ETS1: variants seen among roughly 807,000 people sequenced by gnomAD.
The protein encoded by ETS1 is ETS proto-oncogene 1, transcription factor, also known as protein C-ets-1.
A neutral mutation model predicts 58.6 loss-of-function variants in ETS1; 15 were observed. That is an observed-to-expected ratio of 0.26 (90% CI 0.17 to 0.39). The LOEUF (loss-of-function observed/expected upper bound fraction) is 0.39. ETS1 is among the 10% of genes least tolerant of loss of function. ETS1 has a pLI of 1.00. For synonymous variants in ETS1, 214 were observed against 218.2 expected (o/e 0.98, Z 0.17); for missense variants, 417 against 610.5 (o/e 0.68, Z 3.34).
intron 8 of ETS1, among the ~76,000 whole-genome samples, chr11:128,473,888 C>T (rs370029023): frequency 4.6e-5 from 7 of 152,300 alleles, no homozygotes; most frequent in African/African-American, 1.7e-4. Flanking sequence ...TGGGGAGTTT[C>T]CGAGGCCTGT....
chr11:128,514,340 G>T (rs2135505756), intron 3 of ETS1, among the ~76,000 whole-genome samples: 1 of 152,206 alleles, frequency 6.6e-6, no homozygotes, highest in South Asian at 2.1e-4. Flanking sequence ...TCATCCTGAG[G>T]TTCAAAACGC....
In ETS1 at chr11:128,490,575, A is replaced by G. The variant is rs781522364; in HGVS notation, c.216T>C (p.Asp72=). ...VPTGLEHCVS[D]MECADVPLLT... ...ATAGTGGGACATCTGCACATTCCAT[A>G]TCTGCATGAAAAAATTGCATATGAA... Residue 72 remains aspartate, a splice_region_variant and synonymous_variant, in exon 4 of 10, where the codon GAT becomes GAC. Coordinates refer to ENST00000392668, the MANE Select transcript of ETS1 (RefSeq NM_001143820.2). 1 of 1,610,244 alleles carries G rather than the reference A, an allele frequency of 6.2e-7. No homozygotes were observed. Among genetic ancestry groups the G allele is most frequent in the Non-Finnish European group, 8.5e-7 (1 of 1,177,012 alleles).
At chr11:128,468,199 T>A (rs1368731742) in intron 8 of ETS1, among the ~76,000 whole-genome samples, 5 of 152,134 alleles carry the variant, frequency 3.3e-5, no homozygotes, top group African/African-American at 1.2e-4. Flanking sequence ...AAGGCAACAA[T>A]CTCACTTTTT....
chr11:128,464,623 G>C lies in ETS1; in HGVS notation c.1124-996C>G, dbSNP rs1427421327. ...AACAAACTGGGCAGAGCGGGACTGG[G>C]AAAGACCCAGTCCATGTCTCTGGAT... On this transcript the variant is annotated intron_variant, in intron 8 of 9. Transcript: ENST00000392668. The surrounding 1 kb of genome is among the most constrained non-coding windows in gnomAD (Gnocchi z 4.1). Among the ~76,000 whole-genome samples, 3 of 152,068 alleles carry C rather than the reference G, an allele frequency of 2.0e-5. No homozygotes were observed. The highest frequency in any genetic ancestry group is 2.9e-5 in the Non-Finnish European group (2 of 68,014).
chr11:128,572,316 T>C (rs1006253949), intron 2 of ETS1: 1 of 151,298 alleles, frequency 6.6e-6, no homozygotes, highest in African/African-American at 2.4e-5. Context: ...CGTATTTCAC[T>C]GTAAGAAAAA....
At chr11:128,480,098 G>A (rs1034217422) in intron 8 of ETS1, 93 bp downstream of exon 8, 71 of 1,518,818 alleles carry the variant, frequency 4.7e-5, no homozygotes, top group Middle Eastern at 4.7e-4. Context: ...GGAGTCTCTC[G>A]TCGTCTCTGG....
chr11:128,492,626 G>T (rs1862832189), intron 3 of ETS1, among the ~76,000 whole-genome samples: 1 of 151,808 alleles, frequency 6.6e-6, no homozygotes, highest in Non-Finnish European at 1.5e-5. Context: ...GTAATTGGGG[G>T]AGGGGATAGA....
intron 3 of ETS1, among the ~76,000 whole-genome samples, chr11:128,555,536 T>C (rs1370120871): frequency 1.3e-5 from 2 of 152,224 alleles, no homozygotes; most frequent in African/African-American, 4.8e-5. Context: ...TAACATGGTC[T>C]CATGTGAAAG....
intron 2 of ETS1, among the ~76,000 whole-genome samples, chr11:128,560,679 A>G (rs1053140351): frequency 1.3e-5 from 2 of 152,268 alleles, no homozygotes; most frequent in Admixed American, 1.3e-4. Flanking sequence ...TTAATGAATT[A>G]TGGCAATGTG....
intron 3 of ETS1, among the ~76,000 whole-genome samples, chr11:128,546,908 C>G (rs1864141290): frequency 6.6e-6 from 1 of 152,206 alleles, no homozygotes; most frequent in African/African-American, 2.4e-5. Flanking sequence ...TGCTTTGACA[C>G]AGACTGAAGC....
chr11:128,511,475 C>T (rs1863391301), intron 3 of ETS1, among the ~76,000 whole-genome samples: 1 of 152,196 alleles, frequency 6.6e-6, no homozygotes. Context: ...TGGCATCAGG[C>T]ATATCTGCAC....
intron 3 of ETS1, among the ~76,000 whole-genome samples, chr11:128,529,276 A>G (rs1863856169): frequency 6.6e-6 from 1 of 152,210 alleles, no homozygotes; most frequent in African/African-American, 2.4e-5. Flanking sequence ...TGTATTTTGA[A>G]ATATATCTTC....
At chr11:128,520,229 T>C (rs1177655196) in intron 3 of ETS1, among the ~76,000 whole-genome samples, 1 of 152,242 alleles carries the variant, frequency 6.6e-6, no homozygotes. Context: ...TTGTCTCTAA[T>C]ATTTAATATT....
intron 2 of ETS1, among the ~76,000 whole-genome samples, chr11:128,560,542 G>A (rs1864389337): frequency 6.6e-6 from 1 of 152,182 alleles, no homozygotes; most frequent in Non-Finnish European, 1.5e-5. Flanking sequence ...TAAAACAATG[G>A]AGACAGAATT....
intron 3 of ETS1, among the ~76,000 whole-genome samples, chr11:128,555,117 T>C (rs144847698): frequency 1.3e-5 from 2 of 152,238 alleles, no homozygotes; most frequent in Non-Finnish European, 2.9e-5. Flanking sequence ...CAAGGGAACA[T>C]GGGACACAGG....
chr11:128,506,273 T>A (rs1565386697), intron 3 of ETS1, among the ~76,000 whole-genome samples: 1 of 151,868 alleles, frequency 6.6e-6, no homozygotes, highest in Non-Finnish European at 1.5e-5. Flanking sequence ...GTAAATTTTA[T>A]GTTATATCAA....
chr11:128,576,889 G>A (rs1864762127), intron 1 of ETS1, among the ~76,000 whole-genome samples: 1 of 152,132 alleles, frequency 6.6e-6, no homozygotes, highest in Admixed American at 6.5e-5. Context: ...CAGCTCAGAG[G>A]TTATTGCAGC....
chr11:128,483,830 A>G (rs900155207), intron 7 of ETS1, among the ~76,000 whole-genome samples: 1 of 152,228 alleles, frequency 6.6e-6, no homozygotes, highest in Non-Finnish European at 1.5e-5. Context: ...AATCACTAAT[A>G]GGCCAGCCCC....
intron 3 of ETS1, among the ~76,000 whole-genome samples, chr11:128,509,900 T>C (rs1863347052): frequency 6.6e-6 from 1 of 152,204 alleles, no homozygotes; most frequent in African/African-American, 2.4e-5. Flanking sequence ...CAAAGGGTTG[T>C]TTAAAGAATG....
Sources: allele counts gnomAD v4.1 joint callset (sites outside exome capture counted in the v4.1 genomes callset), GRCh38; gene constraint gnomAD v4.1.1; non-coding constraint Gnocchi (gnomAD v3.1); transcripts MANE v1.5; gene names NCBI Gene and HGNC (gene_info 2026-07-23, HGNC 2026-07-21).